ELAVL2: variants seen among roughly 807,000 people sequenced by gnomAD.
ELAVL2 encodes the protein ELAV like RNA binding protein 2, also known as ELAV-like protein 2.
Under a neutral mutation model 34.6 loss-of-function variants are expected in ELAVL2, and 4 were observed. The observed-to-expected ratio is 0.12, with a 90% CI of 0.06 to 0.26. The LOEUF is 0.26. Ranked by LOEUF, ELAVL2 falls within the 10% of genes least tolerant of loss-of-function variation. The pLI is 1.00. For synonymous variants in ELAVL2, 193 were observed against 154.8 expected (o/e 1.25, Z -1.83); for missense variants, 432 against 442.8 (o/e 0.98, Z 0.22).
chr9:23,692,979 A>ATT, intron 6 of ELAVL2, 95 bp from the exon 7 acceptor site: 1 of 1,139,486 alleles, frequency 8.8e-7, no homozygotes, highest in Non-Finnish European at 1.2e-6. Flanking sequence ...ATCCCCAAGA[A>ATT]TTTTAGTAAC....
chr9:23,708,700 T>C (rs1034724419), intron 3 of ELAVL2, among the ~76,000 whole-genome samples: 2 of 152,214 alleles, frequency 1.3e-5, no homozygotes, highest in African/African-American at 4.8e-5. Context: ...TGGAGTGCAG[T>C]GGGTGATCTC....
chr9:23,792,045 C>T (rs552850113), intron 1 of ELAVL2, among the ~76,000 whole-genome samples: 24 of 152,226 alleles, frequency 1.6e-4, no homozygotes, highest in Admixed American at 3.3e-4. Flanking sequence ...GGTGCAAGAT[C>T]GATACACATT....
intron 1 of ELAVL2, among the ~76,000 whole-genome samples, chr9:23,780,055 A>AATCTCTAT (rs1737453133): frequency 7.2e-6 from 1 of 139,566 alleles, no homozygotes; most frequent in Admixed American, 7.6e-5. Flanking sequence ...TTCCAAGTCC[A>AATCTCTAT]ATCTCTATTG....
At chr9:23,820,167 G>A (rs1014173965) in intron 1 of ELAVL2, among the ~76,000 whole-genome samples, 1 of 152,134 alleles carries the variant, frequency 6.6e-6, no homozygotes, top group Non-Finnish European at 1.5e-5. Flanking sequence ...AACTCTTCAA[G>A]GGCAACAAAA....
At chr9:23,815,736 A>G (rs1373960937) in intron 1 of ELAVL2, among the ~76,000 whole-genome samples, 1 of 152,104 alleles carries the variant, frequency 6.6e-6, no homozygotes, top group Non-Finnish European at 1.5e-5. Context: ...CTAGCCTACT[A>G]TTTTCCACCT....
chr9:23,803,684 C>G (rs1271082392), intron 1 of ELAVL2, among the ~76,000 whole-genome samples: 1 of 151,122 alleles, frequency 6.6e-6, no homozygotes, highest in Non-Finnish European at 1.5e-5. Flanking sequence ...ATAATCAAAA[C>G]TTTTTCCTTA....
At chr9:23,722,523 C>G (rs1324056517) in intron 3 of ELAVL2, among the ~76,000 whole-genome samples, 2 of 152,154 alleles carry the variant, frequency 1.3e-5, no homozygotes, top group African/African-American at 4.8e-5. Context: ...TCTCTGGCAC[C>G]TAAGAGATCT....
At chr9:23,820,964 C>T (rs535421437) in intron 1 of ELAVL2, among the ~76,000 whole-genome samples, 3 of 152,202 alleles carry the variant, frequency 2.0e-5, no homozygotes, top group Middle Eastern at 3.4e-3. Flanking sequence ...CATCATTGCT[C>T]CTGCCCTGGG....
intron 1 of ELAVL2, among the ~76,000 whole-genome samples, chr9:23,806,808 C>T (rs1288554230): frequency 6.6e-6 from 1 of 152,104 alleles, no homozygotes; most frequent in Non-Finnish European, 1.5e-5. Context: ...GAAGTTGTTA[C>T]CCCAAGTGCC....
intron 1 of ELAVL2, among the ~76,000 whole-genome samples, chr9:23,762,871 T>C (rs1402577432): frequency 6.6e-6 from 1 of 152,098 alleles, no homozygotes; most frequent in Non-Finnish European, 1.5e-5. Context: ...TGCTATATTT[T>C]AGGGAGTGGA....
rs117173856 is a variant in ELAVL2, at chr9:23,815,597, T to C, written c.-16+10209A>G. Among the ~76,000 whole-genome samples the C allele has an allele frequency of 3.4e-3, 520 of 152,294 alleles. 16 individuals carry two copies. The East Asian group carries it at 0.057, about 17-fold the overall frequency. On this transcript the variant is annotated intron_variant, in intron 1 of 6. Coordinates refer to ENST00000397312, the MANE Select transcript of ELAVL2 (RefSeq NM_004432.5). ...ATGTCATTTCATTGTCAAAAAATCT[T>C]GTACTTCAATATGCTCATCTTTACG...
intron 1 of ELAVL2, among the ~76,000 whole-genome samples, chr9:23,767,681 G>C (rs1387460784): frequency 6.6e-6 from 1 of 152,130 alleles, no homozygotes; most frequent in Non-Finnish European, 1.5e-5. Flanking sequence ...GCTGAGGCAG[G>C]AGAATGGCTT....
intron 2 of ELAVL2, among the ~76,000 whole-genome samples, chr9:23,757,650 A>G (rs921140847): frequency 1.3e-5 from 2 of 151,988 alleles, no homozygotes; most frequent in Non-Finnish European, 2.9e-5. Context: ...AAAGTCAGCT[A>G]AGCTGTACAA....
chr9:23,815,420 G>T (rs933372141), intron 1 of ELAVL2, among the ~76,000 whole-genome samples: 3 of 151,930 alleles, frequency 2.0e-5, no homozygotes, highest in African/African-American at 7.3e-5. Context: ...CTGCAGTCTG[G>T]GATTTTTCTT....
chr9:23,726,056 G>A (rs189359458), intron 3 of ELAVL2, among the ~76,000 whole-genome samples: 1 of 151,702 alleles, frequency 6.6e-6, no homozygotes, highest in South Asian at 2.1e-4. Context: ...CTATGTTAAG[G>A]GTCAAGCTCA....
chr9:23,804,379 G>A (rs1251871335), intron 1 of ELAVL2, among the ~76,000 whole-genome samples: 1 of 152,026 alleles, frequency 6.6e-6, no homozygotes, highest in Non-Finnish European at 1.5e-5. Flanking sequence ...ACATGTAATG[G>A]CACAGGTGAG....
At chr9:23,735,107 A>AAAAG (rs2047533865) in intron 2 of ELAVL2, 1 of 124,672 alleles carries the variant, frequency 8.0e-6, no homozygotes. Flanking sequence ...AGGCTCTTCA[A>AAAAG]AAAAAAAAAA....
intron 1 of ELAVL2, among the ~76,000 whole-genome samples, chr9:23,778,975 A>G (rs992931381): frequency 6.2e-4 from 94 of 152,294 alleles, no homozygotes; most frequent in African/African-American, 2.2e-3. Context: ...GAGACAGTTA[A>G]TTCAAACCTA....
intron 1 of ELAVL2, among the ~76,000 whole-genome samples, chr9:23,810,860 T>C (rs2062882256): frequency 6.6e-6 from 1 of 152,202 alleles, no homozygotes; most frequent in African/African-American, 2.4e-5. Flanking sequence ...CCGTGTCTCC[T>C]GGTTCCATCA....
Sources: allele counts gnomAD v4.1 joint callset (sites outside exome capture counted in the v4.1 genomes callset), GRCh38; gene constraint gnomAD v4.1.1; transcripts MANE v1.5; gene names NCBI Gene and HGNC (gene_info 2026-07-23, HGNC 2026-07-21).